Variants in RNGTT observed in about 807,000 individuals in gnomAD.
RNGTT encodes the protein mRNA-capping enzyme.
RNGTT carries 33 observed loss-of-function variants against 79.3 expected under a neutral mutation model. That is an observed-to-expected ratio of 0.42 (90% confidence interval 0.32 to 0.56). The LOEUF (loss-of-function observed/expected upper bound fraction) is 0.56, where lower values mean the gene tolerates loss of function less well. Among genes scored for constraint, RNGTT ranks in the 20% least tolerant of loss-of-function variants. The pLI is 0.17. For synonymous variants in RNGTT, 222 were observed against 235.9 expected, an observed-to-expected ratio of 0.94 and a Z score of 0.54; for missense variants, 497 against 739.1, an observed-to-expected ratio of 0.67 and a Z score of 3.80.
At chr6:88,952,253 T>C (rs1276262579) in intron 1 of RNGTT, among the ~76,000 whole-genome samples, 1 of 152,084 alleles carries the variant, frequency 6.6e-6, no homozygotes, top group African/African-American at 2.4e-5. Context: ...TCCCCTACAG[T>C]GGCTACAGCA....
intron 13 of RNGTT, among the ~76,000 whole-genome samples, chr6:88,767,578 TAGCATTAAG>T (rs1385860960): frequency 1.2e-4 from 18 of 147,918 alleles, no homozygotes; most frequent in African/African-American, 4.2e-4. Flanking sequence ...AATACAAATA[TAGCATTAAG>T]AAAAATAGAA....
At chr6:88,873,934 T>TG in intron 8 of RNGTT, among the ~76,000 whole-genome samples, 1 of 152,244 alleles carries the variant, frequency 6.6e-6, no homozygotes. Context: ...GCTTGCAAAA[T>TG]AACAGGACAC....
At chr6:88,907,735 C>A (rs1370583374) in intron 4 of RNGTT, among the ~76,000 whole-genome samples, 2 of 125,422 alleles carry the variant, frequency 1.6e-5, no homozygotes, top group East Asian at 2.3e-4. Flanking sequence ...TAAGCTGTAT[C>A]TTTTTTTTTT....
rs1346945437 is a variant in RNGTT, at chr6:88,826,842, A to ATG, written c.1269+17514_1269+17515insCA. On this transcript the variant is annotated intron_variant, in intron 11 of 15. Coordinates refer to ENST00000369485, the MANE Select transcript of RNGTT (RefSeq NM_003800.5). The stretch of plus-strand genomic sequence containing the variant: ...TGTGTGTGTATATATATATATATAT[A>ATG]TATGTGTGTGTGTATATATATATAT... Among the ~76,000 whole-genome samples the ATG allele has an allele frequency of 2.4e-3, 314 of 130,604 alleles. 5 individuals are homozygous for ATG. The highest frequency in any genetic ancestry group is 0.012 in the Middle Eastern group (3 of 246). The allele number at this position is 130,604 out of a possible 152,430, so 85.7% of individuals were successfully genotyped here.
chr6:88,902,971 G>A (rs972403778), intron 6 of RNGTT, among the ~76,000 whole-genome samples: 2 of 152,042 alleles, frequency 1.3e-5, no homozygotes, highest in African/African-American at 2.4e-5. Flanking sequence ...TGGGATTACA[G>A]GCGTGAGCCA....
chr6:88,705,827 T>C (rs887721258), intron 13 of RNGTT, among the ~76,000 whole-genome samples: 9 of 152,110 alleles, frequency 5.9e-5, no homozygotes, highest in African/African-American at 2.2e-4. Flanking sequence ...TTGTTATTAT[T>C]ATGGAACTCA....
intron 13 of RNGTT, among the ~76,000 whole-genome samples, chr6:88,752,665 T>C (rs373230494): frequency 6.6e-6 from 1 of 152,102 alleles, no homozygotes; most frequent in Admixed American, 6.5e-5. Context: ...GGAAGACAAA[T>C]ATGTTTTTAG....
At chr6:88,915,908 TAA>T (rs1380675366) in intron 4 of RNGTT, among the ~76,000 whole-genome samples, 2 of 152,200 alleles carry the variant, frequency 1.3e-5, no homozygotes, top group African/African-American at 4.8e-5. Context: ...AATTTTTTTT[TAA>T]AACTGTTACA....
At chr6:88,626,913 T>C (rs979106179) in intron 14 of RNGTT, among the ~76,000 whole-genome samples, 2 of 152,014 alleles carry the variant, frequency 1.3e-5, no homozygotes, top group African/African-American at 2.4e-5. Context: ...CTCTACGGCA[T>C]AATATATTGG....
chr6:88,624,698 C>T (rs1192301249), intron 14 of RNGTT, among the ~76,000 whole-genome samples: 1 of 151,796 alleles, frequency 6.6e-6, no homozygotes, highest in African/African-American at 2.4e-5. Context: ...ACACCAAAAA[C>T]ATGATTCATA....
At position 88,853,909 on chromosome 6, in the gene RNGTT, T is replaced by C. The variant is rs74864498; in HGVS notation, c.897-145A>G. On this transcript the variant is annotated intron_variant, in intron 8 of 15. Coordinates refer to ENST00000369485, the MANE Select transcript of RNGTT (RefSeq NM_003800.5). The stretch of plus-strand genomic sequence containing the variant: ...TCTCTTTATCATGTAGATTAAAGTA[T>C]CACAAATAATAATTTTTTTTTTTTT... 1,459 of 440,146 alleles carry C rather than the reference T, an allele frequency of 3.3e-3. 12 individuals carry two copies. Among genetic ancestry groups the C allele is most frequent in the African/African-American group, 0.026 (1,274 of 48,388 alleles). 27.3% of individuals were successfully genotyped at this position (440,146 alleles called of 1,614,324 possible). A position where few individuals can be genotyped will look rare whatever the true frequency, so the allele number is the denominator to read the frequency against.
chr6:88,941,421 C>T (rs1326033638), intron 1 of RNGTT, among the ~76,000 whole-genome samples: 6 of 152,084 alleles, frequency 3.9e-5, no homozygotes, highest in African/African-American at 1.4e-4. Flanking sequence ...GTGTGTACCA[C>T]CAAGCCCAGC....
At chr6:88,726,132 A>G (rs1776895282) in intron 13 of RNGTT, among the ~76,000 whole-genome samples, 1 of 152,162 alleles carries the variant, frequency 6.6e-6, no homozygotes, top group Non-Finnish European at 1.5e-5. Flanking sequence ...TGATAATTGA[A>G]GGTCTTCTCT....
chr6:88,698,193 TATATATG>T (rs1399889196), intron 13 of RNGTT, among the ~76,000 whole-genome samples: 26 of 112,080 alleles, frequency 2.3e-4, no homozygotes, highest in Admixed American at 3.9e-4. Context: ...ATATATGAAA[TATATATG>T]ATATATATGA....
chr6:88,908,172 T>C (rs748601468), intron 4 of RNGTT, among the ~76,000 whole-genome samples: 2 of 152,138 alleles, frequency 1.3e-5, no homozygotes, highest in Non-Finnish European at 2.9e-5. Flanking sequence ...CAGGAGTAAA[T>C]CTTTGCAAGC....
At chr6:88,828,140 A>G (rs1446559080) in intron 11 of RNGTT, among the ~76,000 whole-genome samples, 3 of 152,116 alleles carry the variant, frequency 2.0e-5, no homozygotes, top group African/African-American at 7.2e-5. Context: ...CATACAGGGG[A>G]GCTCTGGCTG....
chr6:88,613,813 T>C (rs1043100954), intron 15 of RNGTT, among the ~76,000 whole-genome samples: 1 of 152,232 alleles, frequency 6.6e-6, no homozygotes, highest in Non-Finnish European at 1.5e-5. Context: ...CTCTGAAGAA[T>C]AGCATAGCAG....
rs553404882 is a variant in RNGTT at position 88,875,248 on chromosome 6, C to T, written c.896+15247G>A. On this transcript the variant is annotated intron_variant, in intron 8 of 15. Coordinates refer to ENST00000369485, the MANE Select transcript of RNGTT (RefSeq NM_003800.5). Reference sequence around the variant, plus strand: ...ATAAGAGAACAGCCTATATCATATCCCATTATATGGAGGATCAGAAAGTAA... The same window carrying T: ...ATAAGAGAACAGCCTATATCATATCTCATTATATGGAGGATCAGAAAGTAA... Among the ~76,000 whole-genome samples, 10 of 151,216 alleles carry T rather than the reference C, an allele frequency of 6.6e-5. No homozygotes were observed. In the East Asian group the frequency reaches 1.9e-3, roughly 29 times the overall value.
At chr6:88,636,815 T>C (rs1773117225) in intron 14 of RNGTT, among the ~76,000 whole-genome samples, 1 of 151,820 alleles carries the variant, frequency 6.6e-6, no homozygotes, top group South Asian at 2.1e-4. Context: ...CACAGATAAC[T>C]ATATAGCAGG....
Sources: gnomAD v4.1 joint callset for allele counts (sites outside exome capture counted in the v4.1 genomes callset) on GRCh38, gnomAD v4.1.1 for gene constraint, MANE v1.5 for transcripts, NCBI Gene and HGNC (gene_info 2026-07-23, HGNC 2026-07-21) for gene names.